Variants in PVT1 observed in about 807,000 individuals in gnomAD.
The protein encoded by PVT1 is CXCR4/PVT1 fusion.
chr8:127,977,244 G>A (rs1411136897), intron 3 of PVT1, among the ~76,000 whole-genome samples: 1 of 152,108 alleles, frequency 6.6e-6, no homozygotes, highest in Admixed American at 6.5e-5. Flanking sequence ...GGTCTGGTGG[G>A]CATCTGAATG....
intron 2 of PVT1, among the ~76,000 whole-genome samples, chr8:127,813,851 C>T (rs1382700839): frequency 2.6e-5 from 4 of 152,188 alleles, no homozygotes; most frequent in Non-Finnish European, 5.9e-5. Flanking sequence ...TGCACGATCT[C>T]GGCTCACTGC....
In PVT1 at chr8:127,983,039, C is replaced by T. The variant is rs564479681; in HGVS notation, n.783-6123C>T. 9.1e-4 allele frequency among the ~76,000 whole-genome samples: 138 copies of T among 152,224 alleles called. 1 individual carries two copies. The highest frequency in any genetic ancestry group is 3.0e-3 in the African/African-American group (126 of 41,536). ...GAAGTTTGCAGCCGTATTAAGGGCT[C>T]GGCCTTACAGTGCGTGGGGCCTCGG... On this transcript the variant is annotated intron_variant and non_coding_transcript_variant, in intron 3 of 10. Transcript: ENST00000651587.
intron 4 of PVT1, among the ~76,000 whole-genome samples, chr8:128,046,355 G>C (rs1235776194): frequency 6.6e-6 from 1 of 152,222 alleles, no homozygotes; most frequent in African/African-American, 2.4e-5. Flanking sequence ...TGAGAAAACT[G>C]TCCACGGGGT....
chr8:127,933,451 C>T (rs1033104475), intron 3 of PVT1, among the ~76,000 whole-genome samples: 4 of 152,182 alleles, frequency 2.6e-5, no homozygotes, highest in Non-Finnish European at 4.4e-5. Flanking sequence ...AGAACTCATT[C>T]CTATTCTCTG....
intron 2 of PVT1, among the ~76,000 whole-genome samples, chr8:127,852,998 C>G (rs1277451080): frequency 6.6e-6 from 1 of 152,148 alleles, no homozygotes; most frequent in Non-Finnish European, 1.5e-5. Flanking sequence ...ACAAGGTTCT[C>G]TCTCACGACA....
At chr8:128,095,886 G>C (rs530691770) in intron 5 of PVT1, among the ~76,000 whole-genome samples, 1 of 152,332 alleles carries the variant, frequency 6.6e-6, no homozygotes, top group East Asian at 1.9e-4. Flanking sequence ...ATTCTGCCAT[G>C]CTCTTTCGGC....
At chr8:127,977,814 G>C (rs1308608781) in intron 3 of PVT1, among the ~76,000 whole-genome samples, 7 of 152,290 alleles carry the variant, frequency 4.6e-5, no homozygotes, top group Admixed American at 1.3e-4. Flanking sequence ...AAGCTTGAAG[G>C]CTTCTTATCA....
intron 4 of PVT1, among the ~76,000 whole-genome samples, chr8:128,046,144 T>A (rs1330724555): frequency 6.6e-6 from 1 of 152,206 alleles, no homozygotes; most frequent in Non-Finnish European, 1.5e-5. Context: ...TCATAGCTGC[T>A]CACCTTTCAG....
chr8:127,984,756 G>A (rs560078509), intron 3 of PVT1, among the ~76,000 whole-genome samples: 4 of 152,196 alleles, frequency 2.6e-5, no homozygotes, highest in Non-Finnish European at 4.4e-5. Flanking sequence ...ACAGGCATAC[G>A]CCACCATGCC....
At chr8:127,903,934 T>A (rs916208824) in intron 3 of PVT1, among the ~76,000 whole-genome samples, 2 of 152,240 alleles carry the variant, frequency 1.3e-5, no homozygotes, top group Admixed American at 6.5e-5. Context: ...ATGTGAATTT[T>A]AGAATAGTTT....
intron 2 of PVT1, among the ~76,000 whole-genome samples, chr8:127,816,608 C>T (rs533681210): frequency 8.2e-4 from 125 of 151,738 alleles, no homozygotes; most frequent in Non-Finnish European, 1.5e-3. Context: ...ACTGTAACCT[C>T]CACCTCCTGG....
intron 2 of PVT1, among the ~76,000 whole-genome samples, chr8:127,798,474 A>G (rs768552943): frequency 7.9e-5 from 12 of 151,986 alleles, no homozygotes; most frequent in Non-Finnish European, 1.5e-4. Context: ...GAGCAGTCAG[A>G]GACAAAGGGG....
chr8:128,044,314 C>T (rs567004042), intron 4 of PVT1, among the ~76,000 whole-genome samples: 24 of 152,186 alleles, frequency 1.6e-4, no homozygotes, highest in Admixed American at 9.8e-4. Flanking sequence ...GACAGTCTGA[C>T]ACCCCCAACC....
intron 4 of PVT1, among the ~76,000 whole-genome samples, chr8:128,047,617 A>G (rs553561834): frequency 1.1e-3 from 172 of 152,382 alleles, no homozygotes; most frequent in Middle Eastern, 3.4e-3. Flanking sequence ...CTTTTCATGC[A>G]GAAACACATG....
chr8:127,840,641 C>T (rs1034273352), intron 2 of PVT1, among the ~76,000 whole-genome samples: 1 of 152,198 alleles, frequency 6.6e-6, no homozygotes, highest in African/African-American at 2.4e-5. Flanking sequence ...TTGGTGGGAC[C>T]GGCTCCTGGC....
At chr8:127,910,593 T>TTA (rs1815882325) in intron 3 of PVT1, among the ~76,000 whole-genome samples, 1 of 152,250 alleles carries the variant, frequency 6.6e-6, no homozygotes, top group South Asian at 2.1e-4. Flanking sequence ...GACTTCCTAA[T>TTA]GATAATAATT....
At chr8:127,955,642 G>C (rs1157512601) in intron 3 of PVT1, among the ~76,000 whole-genome samples, 2 of 151,874 alleles carry the variant, frequency 1.3e-5, no homozygotes, top group Non-Finnish European at 2.9e-5. Context: ...GAGTGCAGTG[G>C]TGCAATCTCG....
At chr8:127,941,596 G>A (rs182274123) in intron 3 of PVT1, among the ~76,000 whole-genome samples, 30 of 152,334 alleles carry the variant, frequency 2.0e-4, no homozygotes, top group African/African-American at 5.3e-4. Flanking sequence ...AATGTTTGCT[G>A]TCATTACTCT....
chr8:127,882,473 A>G (rs1175930901), intron 2 of PVT1, among the ~76,000 whole-genome samples: 3 of 151,826 alleles, frequency 2.0e-5, no homozygotes, highest in African/African-American at 7.3e-5. Flanking sequence ...TTTTGGCATC[A>G]GTTTTGAAGA....
Sources: gnomAD v4.1 joint callset for allele counts (sites outside exome capture counted in the v4.1 genomes callset) on GRCh38, gnomAD v4.1.1 for gene constraint, MANE v1.5 for transcripts, NCBI Gene and HGNC (gene_info 2026-07-23, HGNC 2026-07-21) for gene names.